Variants in ERC2 observed in about 807,000 individuals in gnomAD.
ERC2 encodes ELKS/RAB6-interacting/CAST family member 2.
Under a neutral mutation model 114.8 loss-of-function variants are expected in ERC2, and 42 were observed. The ratio of observed to expected loss-of-function variants is 0.37; its 90% CI spans 0.29 to 0.47. ERC2 has a LOEUF of 0.47. Among genes scored for constraint, ERC2 ranks in the 20% least tolerant of loss-of-function variants. ERC2 has a pLI of 0.99. For missense variants in ERC2, 939 were observed against 1,150.7 expected (o/e 0.82, Z 2.66); for synonymous variants, 454 against 425.5 (o/e 1.07, Z -0.82).
chr3:56,246,816 T>C (rs944623181), intron 3 of ERC2, among the ~76,000 whole-genome samples: 1 of 152,194 alleles, frequency 6.6e-6, no homozygotes, highest in Non-Finnish European at 1.5e-5. Context: ...CAGCACACAT[T>C]TGAGGATTTA....
At chr3:55,977,279 T>C (rs1016244666) in intron 12 of ERC2, among the ~76,000 whole-genome samples, 2 of 152,162 alleles carry the variant, frequency 1.3e-5, no homozygotes, top group African/African-American at 4.8e-5. Flanking sequence ...ATAAAAGAGA[T>C]GACTGAATAC....
intron 17 of ERC2, among the ~76,000 whole-genome samples, chr3:55,536,016 C>A (rs2053979605): frequency 6.6e-6 from 1 of 152,124 alleles, no homozygotes; most frequent in South Asian, 2.1e-4. Context: ...AAAACAACAA[C>A]AACAACAAAA....
intron 6 of ERC2, among the ~76,000 whole-genome samples, chr3:56,136,116 C>T (rs1184190371): frequency 6.6e-6 from 1 of 152,200 alleles, no homozygotes; most frequent in East Asian, 1.9e-4. Flanking sequence ...AGCCAAGCCA[C>T]ATAGCCGCAA....
chr3:56,146,840 T>C (rs2081168992), intron 5 of ERC2, among the ~76,000 whole-genome samples: 1 of 152,172 alleles, frequency 6.6e-6, no homozygotes, highest in Non-Finnish European at 1.5e-5. Context: ...TCCACTACTT[T>C]CCTCAAACAT....
chr3:56,141,450 G>A (rs2080850035), intron 5 of ERC2, among the ~76,000 whole-genome samples: 1 of 152,204 alleles, frequency 6.6e-6, no homozygotes, highest in South Asian at 2.1e-4. Context: ...CATGGTGTGA[G>A]GAAGACCATA....
intron 3 of ERC2, among the ~76,000 whole-genome samples, chr3:56,193,931 T>C (rs1016808095): frequency 7.9e-5 from 12 of 152,298 alleles, no homozygotes; most frequent in East Asian, 1.9e-4. Context: ...TTTATAACTT[T>C]TCTGGTGAGT....
intron 3 of ERC2, among the ~76,000 whole-genome samples, chr3:56,215,319 C>CA (rs550164519): frequency 0.014 from 2,175 of 151,638 alleles, 56 homozygotes; most frequent in African/African-American, 0.05. Flanking sequence ...AAATGGAAAG[C>CA]AAAAAAAGGC....
intron 4 of ERC2, among the ~76,000 whole-genome samples, chr3:56,164,854 A>T (rs1024282626): frequency 6.6e-6 from 1 of 152,068 alleles, no homozygotes; most frequent in Admixed American, 6.6e-5. Context: ...AATGATGTTC[A>T]GTATTTTTTA....
At chr3:56,198,089 G>A (rs2048209466) in intron 3 of ERC2, among the ~76,000 whole-genome samples, 1 of 152,170 alleles carries the variant, frequency 6.6e-6, no homozygotes, top group Non-Finnish European at 1.5e-5. Context: ...GGCCAGAGGA[G>A]ACATAAAGGA....
At chr3:55,888,228 C>T (rs930898075) in intron 14 of ERC2, among the ~76,000 whole-genome samples, 161 bp downstream of exon 14, 1 of 152,116 alleles carries the variant, frequency 6.6e-6, no homozygotes, top group Non-Finnish European at 1.5e-5. Context: ...ACCAAAGTTA[C>T]AATTAAAAAA....
chr3:55,872,539 T>C (rs1372838777), intron 14 of ERC2, among the ~76,000 whole-genome samples: 2 of 152,214 alleles, frequency 1.3e-5, no homozygotes, highest in African/African-American at 2.4e-5. Flanking sequence ...CGTAGCTATT[T>C]AGGAAATAGT....
At chr3:55,596,173 A>AG (rs1252345159) in intron 17 of ERC2, among the ~76,000 whole-genome samples, 1 of 152,222 alleles carries the variant, frequency 6.6e-6, no homozygotes, top group Non-Finnish European at 1.5e-5. Flanking sequence ...AAAGGAGAGG[A>AG]GGGGAAAAAA....
intron 10 of ERC2, among the ~76,000 whole-genome samples, chr3:55,994,647 TAA>T (rs10662566): frequency 1.8e-4 from 11 of 61,418 alleles, no homozygotes; most frequent in African/African-American, 6.3e-4. Context: ...ACATACTCCC[TAA>T]AAAAAAAAAA....
At chr3:55,996,073 A>G (rs1357298642) in intron 10 of ERC2, among the ~76,000 whole-genome samples, 3 of 152,246 alleles carry the variant, frequency 2.0e-5, no homozygotes, top group East Asian at 3.8e-4. Context: ...GCAGATTTGA[A>G]TAAATCATGA....
At chr3:55,682,478 C>T (rs1440274816) in intron 17 of ERC2, among the ~76,000 whole-genome samples, 1 of 152,100 alleles carries the variant, frequency 6.6e-6, no homozygotes, top group Non-Finnish European at 1.5e-5. Flanking sequence ...ACTGCCCCCT[C>T]AGTACCAAAA....
intron 14 of ERC2, among the ~76,000 whole-genome samples, chr3:55,824,282 C>T (rs1341642891): frequency 6.6e-6 from 1 of 152,152 alleles, no homozygotes. Context: ...CCATTTCTAC[C>T]ATCTGGATAT....
At chr3:55,592,704 A>C (rs2057950233) in intron 17 of ERC2, among the ~76,000 whole-genome samples, 1 of 152,176 alleles carries the variant, frequency 6.6e-6, no homozygotes, top group Non-Finnish European at 1.5e-5. Context: ...ACTGAAGGGA[A>C]AGGAGCTCAT....
intron 2 of ERC2, among the ~76,000 whole-genome samples, chr3:56,299,959 A>G (rs932450321): frequency 1.3e-5 from 2 of 152,248 alleles, no homozygotes; most frequent in Non-Finnish European, 2.9e-5. Context: ...AGAAACAGCA[A>G]CATTGGAAAG....
At chr3:55,915,073 G>A (rs148218575) in intron 13 of ERC2, among the ~76,000 whole-genome samples, 267 of 152,100 alleles carry the variant, frequency 1.8e-3, no homozygotes, top group African/African-American at 4.7e-3. Flanking sequence ...CCACCCTATC[G>A]TTGAAATGCT....
Sources: gnomAD v4.1 joint callset for allele counts (sites outside exome capture counted in the v4.1 genomes callset) on GRCh38, gnomAD v4.1.1 for gene constraint, MANE v1.5 for transcripts, NCBI Gene and HGNC (gene_info 2026-07-23, HGNC 2026-07-21) for gene names.